Variants in SLC35F3 observed in about 807,000 individuals in gnomAD.
SLC35F3 encodes the protein solute carrier family 35 member F3.
In SLC35F3, 25 loss-of-function variants were observed where a neutral mutation model predicts 49.9. That is an observed-to-expected ratio of 0.50 (90% CI 0.37 to 0.70). The LOEUF is 0.70. Ranked by LOEUF, SLC35F3 falls within the 30% of genes least tolerant of loss-of-function variation. The probability of loss-of-function intolerance (pLI) is 0.00; values close to 1 mark genes in which losing one functional copy is unlikely to be tolerated. For missense variants in SLC35F3, 525 were observed against 639.8 expected (o/e 0.82, Z 1.94); for synonymous variants, 275 against 265.4 (o/e 1.04, Z -0.35).
chr1:234,155,097 ATTT>A (rs1666131282), intron 2 of SLC35F3, among the ~76,000 whole-genome samples: 1 of 152,054 alleles, frequency 6.6e-6, no homozygotes, highest in South Asian at 2.1e-4. Flanking sequence ...GTTATGCTGT[ATTT>A]TTTACTTCTA....
At chr1:233,927,038 A>C (rs1019360837) in intron 2 of SLC35F3, among the ~76,000 whole-genome samples, 1 of 152,124 alleles carries the variant, frequency 6.6e-6, no homozygotes, top group African/African-American at 2.4e-5. Context: ...GGCTTCTTTC[A>C]CTTAGTAACA....
At chr1:233,982,681 T>C (rs1255172908) in intron 2 of SLC35F3, among the ~76,000 whole-genome samples, 1 of 152,206 alleles carries the variant, frequency 6.6e-6, no homozygotes, top group East Asian at 1.9e-4. Flanking sequence ...GATTCTTTTG[T>C]CAGATACCCA....
At position 234,231,466 on chromosome 1, in the gene SLC35F3, G is replaced by A. The variant is rs777738896; in HGVS notation, c.333G>A (p.Pro111=). ...CGGGCCCGGCGGAGGCCCAGGCACC[G>A]GCCGGGGTGGAGGCCGGCGGGAGAG... The part of the protein sequence containing the change: ...DSPGPAEAQA[P]AGVEAGGRAS... Residue 111 remains proline, a synonymous_variant, in exon 3 of 8, where the codon CCG becomes CCA. Coordinates refer to ENST00000366618, the MANE Select transcript of SLC35F3 (RefSeq NM_173508.4). The surrounding 1 kb of genome is among the most constrained non-coding windows in gnomAD (Gnocchi z 5.4). 12 of 1,610,714 alleles carry A rather than the reference G, an allele frequency of 7.5e-6. No homozygotes were observed. The highest frequency in any genetic ancestry group is 2.7e-5 in the African/African-American group (2 of 74,962).
At chr1:234,203,237 G>A (rs1310278660) in intron 2 of SLC35F3, among the ~76,000 whole-genome samples, 1 of 152,146 alleles carries the variant, frequency 6.6e-6, no homozygotes, top group Non-Finnish European at 1.5e-5. Flanking sequence ...GACATTAAAA[G>A]CACAGACTTA....
intron 2 of SLC35F3, among the ~76,000 whole-genome samples, chr1:234,110,531 A>G (rs1288543541): frequency 6.6e-6 from 1 of 152,266 alleles, no homozygotes; most frequent in Admixed American, 6.5e-5. Context: ...GAGTGGACAG[A>G]TGGATAAAAT....
chr1:234,184,131 G>GT (rs544965680), intron 2 of SLC35F3, among the ~76,000 whole-genome samples: 10 of 145,306 alleles, frequency 6.9e-5, no homozygotes, highest in African/African-American at 2.6e-4. Flanking sequence ...ATGGAACACA[G>GT]TTTTTTTAAA....
intron 2 of SLC35F3, among the ~76,000 whole-genome samples, chr1:234,136,780 G>C (rs1008027734): frequency 6.6e-6 from 1 of 152,230 alleles, no homozygotes; most frequent in African/African-American, 2.4e-5. Flanking sequence ...ATGCAGGCCA[G>C]CCTGTTGACC....
At chr1:233,968,637 A>G (rs141302968) in intron 2 of SLC35F3, among the ~76,000 whole-genome samples, 3,144 of 152,174 alleles carry the variant, frequency 0.021, 50 homozygotes, top group Non-Finnish European at 0.035. Context: ...GGTGCACACC[A>G]CCACACCCTG....
intron 2 of SLC35F3, among the ~76,000 whole-genome samples, chr1:234,132,424 C>T (rs1665750135): frequency 6.6e-6 from 1 of 152,160 alleles, no homozygotes; most frequent in Admixed American, 6.6e-5. Context: ...TAAGAATATA[C>T]AAAATTTCAC....
chr1:234,323,058 G>A lies in SLC35F3; in HGVS notation c.1288G>A (p.Ala430Thr), dbSNP rs1297742820. The A allele has an allele frequency of 6.2e-7, 1 of 1,614,032 alleles. No homozygotes were observed. The highest frequency in any genetic ancestry group is 8.5e-7 in the Non-Finnish European group (1 of 1,180,022). Residue 430 changes from alanine (A) to threonine (T), a missense_variant, in exon 8 of 8, where the codon GCC becomes ACC. Transcript: ENST00000366618. The surrounding 1 kb of genome is among the most constrained non-coding windows in gnomAD (Gnocchi z 4.5). ...QIVFNGVRVI[A>T]IIIIGLGFLL... The stretch of plus-strand genomic sequence containing the variant: ...CGTCTTCAATGGGGTCCGGGTCATC[G>A]CCATCATCATCATCGGCCTGGGTTT...
At chr1:234,282,841 C>T (rs1217098629) in intron 3 of SLC35F3, among the ~76,000 whole-genome samples, 2 of 152,202 alleles carry the variant, frequency 1.3e-5, no homozygotes, top group African/African-American at 4.8e-5. Flanking sequence ...TCCTTTCTGA[C>T]AGGCTGTTTT....
At chr1:234,227,886 T>A (rs1483465285) in intron 2 of SLC35F3, among the ~76,000 whole-genome samples, 2 of 152,220 alleles carry the variant, frequency 1.3e-5, no homozygotes, top group South Asian at 4.1e-4. Flanking sequence ...TGAGCATCAA[T>A]TGGCCAGTTC....
chr1:234,074,763 T>C (rs1408964521), intron 2 of SLC35F3, among the ~76,000 whole-genome samples: 1 of 152,190 alleles, frequency 6.6e-6, no homozygotes, highest in East Asian at 1.9e-4. Context: ...TGAGTGAGGT[T>C]AGGGCAAAAA....
At chr1:234,133,714 AAGAT>A (rs1665768254) in intron 2 of SLC35F3, among the ~76,000 whole-genome samples, 1 of 152,266 alleles carries the variant, frequency 6.6e-6, no homozygotes, top group Admixed American at 6.5e-5. Context: ...AGTTAGAAAT[AAGAT>A]AGAGGCCATA....
intron 2 of SLC35F3, among the ~76,000 whole-genome samples, chr1:234,081,546 A>G (rs147895792): frequency 1.3e-5 from 2 of 152,194 alleles, no homozygotes; most frequent in African/African-American, 2.4e-5. Context: ...ATATCCTTCC[A>G]TTATAACCAC....
chr1:234,136,160 T>G (rs1665808002), intron 2 of SLC35F3, among the ~76,000 whole-genome samples: 1 of 152,034 alleles, frequency 6.6e-6, no homozygotes, highest in African/African-American at 2.4e-5. Context: ...CATAGCACCC[T>G]CCACCCTCTT....
intron 2 of SLC35F3, among the ~76,000 whole-genome samples, chr1:234,119,635 C>T (rs1665544169): frequency 6.6e-6 from 1 of 152,130 alleles, no homozygotes; most frequent in Admixed American, 6.5e-5. Context: ...TAGATAATTG[C>T]TCCCATGCAT....
intron 6 of SLC35F3, among the ~76,000 whole-genome samples, chr1:234,319,414 A>G (rs2102998667): frequency 6.6e-6 from 1 of 152,318 alleles, no homozygotes; most frequent in African/African-American, 2.4e-5. Context: ...CTAAAAACAC[A>G]TATCCCAGCC....
intron 3 of SLC35F3, among the ~76,000 whole-genome samples, chr1:234,251,270 G>T (rs970570767): frequency 6.6e-6 from 1 of 152,094 alleles, no homozygotes; most frequent in East Asian, 1.9e-4. Context: ...GTGAGTGAAG[G>T]TTACAGGGAC....
Sources: allele counts gnomAD v4.1 joint callset (sites outside exome capture counted in the v4.1 genomes callset), GRCh38; gene constraint gnomAD v4.1.1; non-coding constraint Gnocchi (gnomAD v3.1); transcripts MANE v1.5; gene names NCBI Gene and HGNC (gene_info 2026-07-23, HGNC 2026-07-21).